The following CNTN1 variants were observed in gnomAD, a reference collection of about 807,000 sequenced individuals.
CNTN1 encodes the protein contactin 1, also known as contactin-1.
Under a neutral mutation model 126.4 loss-of-function variants are expected in CNTN1, and 38 were observed. The ratio of observed to expected loss-of-function variants is 0.30; its 90% CI spans 0.23 to 0.39. CNTN1 has a LOEUF of 0.39. CNTN1 is among the 10% of genes least tolerant of loss of function. The pLI, the probability that CNTN1 is intolerant of heterozygous loss-of-function variation, is 1.00. For synonymous variants in CNTN1, 413 were observed against 422.6 expected, an observed-to-expected ratio of 0.98 and a Z score of 0.28; for missense variants, 1,009 against 1,248.4, an observed-to-expected ratio of 0.81 and a Z score of 2.89.
rs188073498 is a variant in CNTN1, at chr12:40,729,239, G to A, written c.-77+36647G>A. 443 of 180,338 alleles carry A rather than the reference G, an allele frequency of 2.5e-3. 1 individual carries two copies. The highest frequency in any genetic ancestry group is 9.1e-3 in the African/African-American group (388 of 42,602). 11.2% of individuals were successfully genotyped at this position (180,338 alleles called of 1,614,324 possible). ...GACTTGTATCTAAGCTGCTAGAGAA[G>A]TGTTGAATATTGCTGCTGGGCTGGT... On this transcript the variant is annotated intron_variant, in intron 1 of 23. Coordinates refer to ENST00000551295, the MANE Select transcript of CNTN1 (RefSeq NM_001843.4).
chr12:40,911,435 G>C (rs1945032719), intron 3 of CNTN1, among the ~76,000 whole-genome samples: 1 of 152,152 alleles, frequency 6.6e-6, no homozygotes, highest in South Asian at 2.1e-4. Context: ...AGAAGCAACA[G>C]CGGAAACCCC....
rs527811268 is a variant in CNTN1, at chr12:40,899,059, A to C, written c.-76-9298A>C. Among the ~76,000 whole-genome samples the C allele has an allele frequency of 3.0e-4, 45 of 152,304 alleles. 1 individual carries two copies. In the South Asian group the frequency reaches 6.6e-3, roughly 22 times the overall value. On this transcript the variant is annotated intron_variant, in intron 1 of 23. Coordinates refer to ENST00000551295, the MANE Select transcript of CNTN1 (RefSeq NM_001843.4). ...ATTATTACAGCACAGGAAGTCTTTA[A>C]AACTCTCAGGGTACATTGAGTGAGC...
chr12:40,783,541 C>G (rs1315010947), intron 1 of CNTN1, among the ~76,000 whole-genome samples: 1 of 152,088 alleles, frequency 6.6e-6, no homozygotes, highest in Non-Finnish European at 1.5e-5. Flanking sequence ...GAACACAACT[C>G]TAGTAAACAT....
At chr12:40,819,698 G>A (rs1941382686) in intron 1 of CNTN1, among the ~76,000 whole-genome samples, 1 of 152,130 alleles carries the variant, frequency 6.6e-6, no homozygotes, top group South Asian at 2.1e-4. Context: ...AGTGCTGGTC[G>A]CCCCTCCCCC....
chr12:40,753,920 ATAATT>A (rs1280980095), intron 1 of CNTN1, among the ~76,000 whole-genome samples: 2 of 152,148 alleles, frequency 1.3e-5, no homozygotes, highest in African/African-American at 4.8e-5. Context: ...AGGATATATT[ATAATT>A]TAATTCATCT....
In CNTN1 at chr12:40,924,567, T is replaced by C; in HGVS notation, c.411T>C (p.Pro137=). ...EATLSFGYLD[P]FPPEERPEVR... is the part of the protein sequence containing the mutation. ...TTCTTTCGTAATTAGATCTTGATCC[T>C]TTCCCACCTGAGGAACGTCCTGAGG... The change falls in exon 6 of 24, where the codon CCT becomes CCC. Residue 137 remains proline (P), a synonymous_variant. Transcript: ENST00000551295. 1 of 1,581,538 alleles carries C rather than the reference T, an allele frequency of 6.3e-7. No individual in the cohort carries two copies. The highest frequency in any genetic ancestry group is 8.7e-7 in the Non-Finnish European group (1 of 1,151,340).
At position 40,910,485 on chromosome 12, in the gene CNTN1, G is replaced by C. The variant is rs574036454; in HGVS notation, c.94+380G>C. On this transcript the variant is annotated intron_variant, in intron 3 of 23. Coordinates refer to ENST00000551295, the MANE Select transcript of CNTN1 (RefSeq NM_001843.4). ...GAGATAACTAAAGTTAGTGAAATTG[G>C]AATCTTAAGATTCAGTTCAATTAAA... Among the ~76,000 whole-genome samples, 3 of 152,188 alleles carry C rather than the reference G, an allele frequency of 2.0e-5. 1 individual carries two copies. The highest frequency in any genetic ancestry group is 7.2e-5 in the African/African-American group (3 of 41,534).
At chr12:40,879,122 C>G (rs1056701418) in intron 1 of CNTN1, among the ~76,000 whole-genome samples, 3 of 152,112 alleles carry the variant, frequency 2.0e-5, no homozygotes, top group Non-Finnish European at 4.4e-5. Context: ...TGTGCAAGAA[C>G]TAAATCAATG....
At chr12:40,752,409 CT>C (rs1938438173) in intron 1 of CNTN1, among the ~76,000 whole-genome samples, 1 of 152,020 alleles carries the variant, frequency 6.6e-6, no homozygotes, top group Admixed American at 6.6e-5. Context: ...CTAGAAAACC[CT>C]TAATGAATGT....
intron 1 of CNTN1, among the ~76,000 whole-genome samples, chr12:40,707,151 G>A (rs1235521142): frequency 6.6e-6 from 1 of 150,944 alleles, no homozygotes. Flanking sequence ...CACAATGCCA[G>A]AGCCATCACC....
At chr12:40,943,939 G>A (rs1439199407) in intron 13 of CNTN1, 56 bp from the exon 14 acceptor site, 1 of 1,511,398 alleles carries the variant, frequency 6.6e-7, no homozygotes, top group African/African-American at 1.4e-5. Flanking sequence ...TAATATACCA[G>A]ATAATATTGT....
In CNTN1 at chr12:40,976,804, C is replaced by G. The variant is rs146731542; in HGVS notation, c.1805-4105C>G. Among the ~76,000 whole-genome samples, 4 of 152,112 alleles carry G rather than the reference C, an allele frequency of 2.6e-5. No individual in the cohort carries two copies. The East Asian group carries it at 7.7e-4, about 29-fold the overall frequency. ...GCAGGGCTGGCCCTGGGTTGAAGTC[C>G]GACCGTCCACGTTTGTCTCCGTGCT... On this transcript the variant is annotated intron_variant, in intron 15 of 23. Coordinates refer to ENST00000551295, the MANE Select transcript of CNTN1 (RefSeq NM_001843.4).
chr12:40,959,974 C>T (rs1414509683), intron 15 of CNTN1, among the ~76,000 whole-genome samples: 2 of 152,064 alleles, frequency 1.3e-5, no homozygotes, highest in East Asian at 3.9e-4. Context: ...CACAAAAATA[C>T]ACTTTAACTT....
chr12:40,873,792 C>G (rs1253115225), intron 1 of CNTN1, among the ~76,000 whole-genome samples: 1 of 151,250 alleles, frequency 6.6e-6, no homozygotes, highest in Admixed American at 6.6e-5. Flanking sequence ...TTTTTTTTGT[C>G]AGTTTATTAC....
At chr12:41,062,036 C>T (rs1355633580) in intron 23 of CNTN1, among the ~76,000 whole-genome samples, 1 of 152,044 alleles carries the variant, frequency 6.6e-6, no homozygotes, top group Non-Finnish European at 1.5e-5. Context: ...AGGGAAAAAA[C>T]AAAAATCATC....
chr12:41,025,182 A>T lies in CNTN1; in HGVS notation c.2556A>T (p.Glu852Asp). Residue 852 changes from glutamate (E) to aspartate (D), a missense_variant, in exon 21 of 24, where the codon GAA becomes GAT. Physicochemically the swap from Glu to Asp is conservative, Grantham distance 45 (BLOSUM62 2). Transcript: ENST00000551295. ...IRYWAAHDKE[E>D]AANRVQVTSQ... is the part of the protein sequence containing the mutation. ...ATTGGGCTGCCCATGACAAAGAAGA[A>T]GCTGCAAACAGAGTTCAAGTCACCA... is the stretch of plus-strand genomic sequence containing the variant. The T allele has an allele frequency of 6.2e-7, 1 of 1,613,974 alleles. No individual in the cohort carries two copies. Among genetic ancestry groups the T allele is most frequent in the Non-Finnish European group, 8.5e-7 (1 of 1,179,882 alleles).
intron 1 of CNTN1, among the ~76,000 whole-genome samples, chr12:40,811,096 T>C (rs993113255): frequency 6.6e-5 from 10 of 152,248 alleles, no homozygotes; most frequent in African/African-American, 2.4e-4. Context: ...ACTTAGGTTG[T>C]GTTCATTACT....
intron 1 of CNTN1, among the ~76,000 whole-genome samples, chr12:40,830,381 C>T (rs1406016029): frequency 1.3e-5 from 2 of 151,018 alleles, no homozygotes; most frequent in Non-Finnish European, 3.0e-5. Flanking sequence ...AACATATAAT[C>T]GTATTAGATA....
At chr12:40,763,291 A>G (rs990136313) in intron 1 of CNTN1, 1 of 152,238 alleles carries the variant, frequency 6.6e-6, no homozygotes, top group Non-Finnish European at 1.5e-5. Flanking sequence ...GGACTAAGAC[A>G]GTAGGCAAAT....
Sources: allele counts gnomAD v4.1 joint callset (sites outside exome capture counted in the v4.1 genomes callset), GRCh38; gene constraint gnomAD v4.1.1; transcripts MANE v1.5; gene names NCBI Gene and HGNC (gene_info 2026-07-23, HGNC 2026-07-21).